PAK6: variants seen among roughly 807,000 people sequenced by gnomAD.
PAK6 encodes the protein p21 (RAC1) activated kinase 6, also known as serine/threonine-protein kinase PAK 6.
Under a neutral mutation model 60.8 loss-of-function variants are expected in PAK6, and 33 were observed. The ratio of observed to expected loss-of-function variants is 0.54; its 90% CI spans 0.41 to 0.73. PAK6 has a LOEUF of 0.73. Among genes scored for constraint, PAK6 ranks in the 30% least tolerant of loss-of-function variants. PAK6 has a pLI of 0.00. For missense variants in PAK6, 845 were observed against 904.1 expected (o/e 0.93, Z 0.84); for synonymous variants, 404 against 378.5 (o/e 1.07, Z -0.78).
At position 40,252,476 on chromosome 15, in the gene PAK6, A is replaced by G. The variant is rs1417542937; in HGVS notation, c.-117-702A>G. 3 of 1,362,866 alleles carry G rather than the reference A, an allele frequency of 2.2e-6. No homozygotes were observed. In the Middle Eastern group the frequency reaches 6.3e-4, roughly 286 times the overall value. 84.4% of individuals were successfully genotyped at this position (1,362,866 alleles called of 1,614,324 possible). A position where few individuals can be genotyped will look rare whatever the true frequency, so the allele number is the denominator to read the frequency against. On this transcript the variant is annotated intron_variant, in intron 2 of 10. Transcript: ENST00000560346. ...CAGAGGGGCTCCTGGCCAAGGCCCC[A>G]GCGACACTTGGCAACTTCTCCCGCG...
rs1030165679 is a variant in PAK6, at chr15:40,259,504, G to C, written c.-5-5277G>C. 6.8e-4 allele frequency: 103 copies of C among 152,184 alleles called. 7 individuals carry two copies. Among genetic ancestry groups the C allele is most frequent in the Non-Finnish European group, 1.5e-5 (1 of 68,076 alleles). The allele number at this position is 152,184 out of a possible 1,614,324, so 9.4% of individuals were successfully genotyped here. A position where few individuals can be genotyped will look rare whatever the true frequency, so the allele number is the denominator to read the frequency against. ...CTGTATTTAAAAATATTTTGTTTTT[G>C]GCCGGACGCGGTGGCTCACGCCTGT... On this transcript the variant is annotated intron_variant, in intron 3 of 10. Coordinates refer to ENST00000560346, the Ensembl canonical transcript of PAK6.
chr15:40,260,571 T>C (rs1203714977), intron 3 of PAK6, among the ~76,000 whole-genome samples: 2 of 152,344 alleles, frequency 1.3e-5, no homozygotes, highest in African/African-American at 2.4e-5. Flanking sequence ...TTAATATCTA[T>C]TTAGTACAAT....
exon 7 of PAK6, chr15:40,272,890 C>A: frequency 1.2e-6 from 2 of 1,614,012 alleles, no homozygotes; most frequent in Non-Finnish European, 1.7e-6. Context: ...GGACTACCAG[C>A]ACTTCAACGT....
chr15:40,245,201 A>T (rs1232266176), intron 2 of PAK6: 2 of 152,358 alleles, frequency 1.3e-5, no homozygotes, highest in African/African-American at 4.8e-5. Context: ...CTGGGTGTCC[A>T]GGGAAGCAGG....
rs551309108 is a variant in PAK6 at position 40,267,169 on chromosome 15, T to C, written c.858+674T>C. On this transcript the variant is annotated intron_variant, in intron 5 of 10. Coordinates refer to ENST00000560346, the Ensembl canonical transcript of PAK6. Reference sequence around the variant, plus strand: ...TCCTTCCTGGGAGGGTCAAAGGCAGTCCTAAGAAACGGCTGCTGACAGTGG... The same window carrying C: ...TCCTTCCTGGGAGGGTCAAAGGCAGCCCTAAGAAACGGCTGCTGACAGTGG... Among the ~76,000 whole-genome samples the C allele has an allele frequency of 2.0e-5, 3 of 152,046 alleles. No homozygotes were observed. The East Asian group carries it at 5.8e-4, about 29-fold the overall frequency.
At chr15:40,245,728 G>A (rs1223324821) in intron 2 of PAK6, 1 of 152,468 alleles carries the variant, frequency 6.6e-6, no homozygotes, top group Admixed American at 6.5e-5. Flanking sequence ...GAAGGAAAGT[G>A]GGTCCTGAGG....
chr15:40,266,170 A>C (rs2039126273), exon 5 of PAK6: 1 of 1,609,160 alleles, frequency 6.2e-7, no homozygotes, highest in Non-Finnish European at 8.5e-7. Context: ...GCAAAGGCAC[A>C]GTCCCTGGGC....
In PAK6 at chr15:40,253,300, G is replaced by T. The variant is rs2038740817; in HGVS notation, c.-6+11G>T. ...GGAAGGCGCCGGAAGGTGAGTGAGC[G>T]AGCGGCCCCCGGCCCTAGAGCCTTC... On this transcript the variant is annotated intron_variant, in intron 3 of 10. Coordinates refer to ENST00000560346, the Ensembl canonical transcript of PAK6. 2.2e-6 allele frequency: 1 copy of T among 455,218 alleles called. No individual in the cohort carries two copies. The highest frequency in any genetic ancestry group is 1.6e-5 in the South Asian group (1 of 64,510). 28.2% of individuals were successfully genotyped at this position (455,218 alleles called of 1,614,324 possible).
At chr15:40,265,806 G>A (rs1235178119) in intron 4 of PAK6, 36 bp from the exon 5 acceptor site, 3 of 1,494,406 alleles carry the variant, frequency 2.0e-6, no homozygotes, top group Non-Finnish European at 2.7e-6. Flanking sequence ...CCACAATTGG[G>A]CAGCTCCCAC....
intron 3 of PAK6, among the ~76,000 whole-genome samples, chr15:40,253,900 T>C (rs941896732): frequency 3.9e-5 from 6 of 152,066 alleles, no homozygotes; most frequent in Admixed American, 6.5e-5. Context: ...TTTTGGGGGC[T>C]TTTCTGACTT....
At chr15:40,253,123 C>T (rs1327143043) in intron 2 of PAK6, 55 bp from the exon 3 acceptor site, 3 of 435,356 alleles carry the variant, frequency 6.9e-6, no homozygotes, top group South Asian at 1.6e-5. Context: ...TCGCAACACC[C>T]GCGGGAACAC....
chr15:40,260,824 G>A (rs1047656383), intron 3 of PAK6, among the ~76,000 whole-genome samples: 13 of 151,668 alleles, frequency 8.6e-5, no homozygotes, highest in African/African-American at 2.7e-4. Flanking sequence ...TAAGGACTTT[G>A]TATTTTTTTG....
At chr15:40,248,744 C>G (rs977255849) in intron 2 of PAK6, among the ~76,000 whole-genome samples, 2 of 152,332 alleles carry the variant, frequency 1.3e-5, no homozygotes, top group African/African-American at 2.4e-5. Context: ...CACCCCAGCC[C>G]TCTTGTGTCT....
At chr15:40,262,866 TG>T (rs1173048767) in intron 3 of PAK6, among the ~76,000 whole-genome samples, 1 of 142,090 alleles carries the variant, frequency 7.0e-6, no homozygotes, top group Admixed American at 7.1e-5. Context: ...TTCAGTTATT[TG>T]TTCAAAATCT....
At position 40,273,531 on chromosome 15, in the gene PAK6, C is replaced by CA; in HGVS notation, c.1618-19dup. 6.2e-7 allele frequency: 1 copy of CA among 1,613,954 alleles called. No homozygotes were observed. Among genetic ancestry groups the CA allele is most frequent in the Non-Finnish European group, 8.5e-7 (1 of 1,179,976 alleles). On this transcript the variant is annotated intron_variant, in intron 8 of 10. Coordinates refer to ENST00000560346, the Ensembl canonical transcript of PAK6. ...TCCCACTTCCTCCTGATCCACCACT[C>CA]ACTCCCTTTTCAACCGCAGGTGAAG...
intron 2 of PAK6, among the ~76,000 whole-genome samples, chr15:40,249,554 G>A (rs2038602849): frequency 6.6e-6 from 1 of 152,188 alleles, no homozygotes; most frequent in South Asian, 2.1e-4. Context: ...ATTAGGGGAG[G>A]GCTGAGTCGC....
rs76415717 is a variant in PAK6 at position 40,247,876 on chromosome 15, C to A, written c.-117-5302C>A. 3.1e-3 allele frequency among the ~76,000 whole-genome samples: 472 copies of A among 152,260 alleles called. 6 individuals are homozygous for A. The highest frequency in any genetic ancestry group is 0.011 in the African/African-American group (449 of 41,546). The stretch of plus-strand genomic sequence containing the variant: ...GATTCTACTCCATGGCACATCAAAC[C>A]AAGCTCCAGTGTGCATGCCCAGGGT... On this transcript the variant is annotated intron_variant, in intron 2 of 10. Coordinates refer to ENST00000560346, the Ensembl canonical transcript of PAK6.
intron 3 of PAK6, among the ~76,000 whole-genome samples, chr15:40,257,811 T>C (rs2038879043): frequency 6.6e-6 from 1 of 152,016 alleles, no homozygotes; most frequent in Admixed American, 6.5e-5. Context: ...CCACCCACAG[T>C]GCAGCTGCTT....
At chr15:40,271,941 G>A (rs896340692) in intron 5 of PAK6, among the ~76,000 whole-genome samples, 5 of 152,194 alleles carry the variant, frequency 3.3e-5, no homozygotes, top group Non-Finnish European at 5.9e-5. Flanking sequence ...AGGACCCGGC[G>A]GGGAGCTGGC....
Sources: allele counts gnomAD v4.1 joint callset (sites outside exome capture counted in the v4.1 genomes callset), GRCh38; gene constraint gnomAD v4.1.1; transcripts MANE v1.5; gene names NCBI Gene and HGNC (gene_info 2026-07-23, HGNC 2026-07-21).